PGM2L1: variants seen among roughly 807,000 people sequenced by gnomAD.
PGM2L1 encodes the protein glucose 1,6-bisphosphate synthase.
Under a neutral mutation model 73.4 loss-of-function variants are expected in PGM2L1, and 35 were observed. That is an observed-to-expected ratio of 0.48 (90% CI 0.36 to 0.63). The LOEUF (loss-of-function observed/expected upper bound fraction) is 0.63, where lower values mean the gene tolerates loss of function less well. PGM2L1 is among the 30% of genes least tolerant of loss of function. PGM2L1 has a pLI of 0.00. For synonymous variants in PGM2L1, 225 were observed against 253.8 expected (o/e 0.89, Z 1.08); for missense variants, 570 against 742.0 (o/e 0.77, Z 2.69).
chr11:74,341,537 C>T (rs7122900), intron 12 of PGM2L1, among the ~76,000 whole-genome samples: 3,320 of 151,918 alleles, frequency 0.022, 57 homozygotes, highest in Middle Eastern at 0.048. Context: ...ACTAAAAATA[C>T]AAAAATTAGT....
At chr11:74,395,995 T>G (rs963076711) in intron 1 of PGM2L1, among the ~76,000 whole-genome samples, 2 of 152,014 alleles carry the variant, frequency 1.3e-5, no homozygotes, top group Non-Finnish European at 2.9e-5. Flanking sequence ...TTCATGCCTA[T>G]AATCCCAACA....
intron 1 of PGM2L1, among the ~76,000 whole-genome samples, chr11:74,381,908 C>G (rs529853774): frequency 5.3e-5 from 8 of 151,978 alleles, no homozygotes; most frequent in South Asian, 2.1e-4. Flanking sequence ...GCTTCCCCCC[C>G]ACCCCCACCA....
chr11:74,342,928 T>C lies in PGM2L1; in HGVS notation c.1399A>G (p.Met467Val). The stretch of plus-strand genomic sequence containing the variant: ...AGTTGCTGTTTCAATGTTATATTCA[T>C]GGTTTCCAGGTAAGATGCCATCTCA... ...VAEMASYLET[M>V]NITLKQQLVK... is the part of the protein sequence containing the mutation. The change falls in exon 11 of 14, where the codon ATG (methionine) becomes GTG (valine). Residue 467 changes from methionine (M) to valine (V), a missense_variant. Transcript: ENST00000298198. 1.9e-6 allele frequency: 3 copies of C among 1,610,740 alleles called. No individual in the cohort carries two copies. The highest frequency in any genetic ancestry group is 2.5e-6 in the Non-Finnish European group (3 of 1,178,400).
intron 5 of PGM2L1, among the ~76,000 whole-genome samples, chr11:74,368,102 C>T (rs1862690305): frequency 6.6e-6 from 1 of 152,176 alleles, no homozygotes. Context: ...GGCCAAGAAG[C>T]AGCTCCGGCA....
chr11:74,374,400 C>T lies in PGM2L1; in HGVS notation c.279+15G>A. 6.3e-7 allele frequency: 1 copy of T among 1,592,110 alleles called. No individual in the cohort carries two copies. The highest frequency in any genetic ancestry group is 1.3e-5 in the African/African-American group (1 of 74,310). ...TCCAGTCAAAAGTACACTCTTAATA[C>T]TTTATAATACTTACCTGTGTTGACT... On this transcript the variant is annotated intron_variant, in intron 2 of 13. Transcript: ENST00000298198.
At chr11:74,382,824 C>G (rs1862966181) in intron 1 of PGM2L1, among the ~76,000 whole-genome samples, 2 of 152,242 alleles carry the variant, frequency 1.3e-5, no homozygotes, top group Admixed American at 1.3e-4. Context: ...TAGACAGTTA[C>G]AAAAGTCCAC....
rs570597234 is a variant in PGM2L1 at position 74,374,440 on chromosome 11, T to C, written c.254A>G (p.Asp85Gly). 1.2e-6 allele frequency: 2 copies of C among 1,613,540 alleles called. No individual in the cohort carries two copies. Among genetic ancestry groups the C allele is most frequent in the Non-Finnish European group, 1.7e-6 (2 of 1,179,586 alleles). The change falls in exon 2 of 14, where the codon GAC becomes GGC. Residue 85 changes from aspartate to glycine, a missense_variant. By Grantham distance (94) the Asp-to-Gly change is moderately conservative. Coordinates refer to ENST00000298198, the MANE Select transcript of PGM2L1 (RefSeq NM_173582.6). The stretch of plus-strand genomic sequence containing the variant: ...CTGTGTTGACTGTATTACTGTAAGG[T>C]CATTAATATAGCAAAACCCTGCCCC... The part of the protein sequence containing the change: ...AMGAGFCYIN[D>G]LTVIQSTQGM...
At chr11:74,382,489 CTATTTT>C (rs566971908) in intron 1 of PGM2L1, among the ~76,000 whole-genome samples, 2 of 152,050 alleles carry the variant, frequency 1.3e-5, no homozygotes, top group South Asian at 4.1e-4. Flanking sequence ...ACTGTATTTA[CTATTTT>C]TATTTTTATT....
At chr11:74,397,546 C>T (rs896055686) in intron 1 of PGM2L1, 2 of 152,328 alleles carry the variant, frequency 1.3e-5, no homozygotes, top group African/African-American at 4.8e-5. Flanking sequence ...TGATACTAGA[C>T]AATACCAGGG....
At chr11:74,357,931 C>G (rs1862487304) in intron 5 of PGM2L1, among the ~76,000 whole-genome samples, 1 of 152,112 alleles carries the variant, frequency 6.6e-6, no homozygotes, top group Non-Finnish European at 1.5e-5. Context: ...AGGCTATATA[C>G]TGTATATTCC....
chr11:74,345,640 C>A lies in PGM2L1; in HGVS notation c.1047G>T (p.Trp349Cys). The change falls in exon 9 of 14, where the codon TGG becomes TGT. Residue 349 changes from tryptophan (W) to cysteine (C), a missense_variant. Physicochemically the swap from Trp to Cys is radical, Grantham distance 215. Transcript: ENST00000298198. ...CCAACTCATTCCCTGTGAAAACTTT[C>A]CAACAACCACTGTAGAGAGAAGGAA... is the stretch of plus-strand genomic sequence containing the variant. ...AAAELQENGC[W>C]KVFTGNELAA... 1.2e-6 allele frequency: 2 copies of A among 1,613,442 alleles called. No individual in the cohort carries two copies. Among genetic ancestry groups the A allele is most frequent in the Non-Finnish European group, 1.7e-6 (2 of 1,179,630 alleles).
rs539596777 is a variant in PGM2L1, at chr11:74,355,123, G to A, written c.556-3547C>T. 6,366 of 1,313,724 alleles carry A rather than the reference G, an allele frequency of 4.8e-3. 34 individuals carry two copies. Among genetic ancestry groups the A allele is most frequent in the Non-Finnish European group, 6.1e-3 (5,651 of 921,782 alleles). The allele number at this position is 1,313,724 out of a possible 1,614,324, so 81.4% of individuals were successfully genotyped here. A position where few individuals can be genotyped will look rare whatever the true frequency, so the allele number is the denominator to read the frequency against. On this transcript the variant is annotated intron_variant, in intron 5 of 13. Coordinates refer to ENST00000298198, the MANE Select transcript of PGM2L1 (RefSeq NM_173582.6). ...TGTGGAGGAAACTTCAGTGGTTGTGGTGGCTTTGGTGGCAGCCATGGTGGT... is the reference window on the plus strand; with the variant it reads ...TGTGGAGGAAACTTCAGTGGTTGTGATGGCTTTGGTGGCAGCCATGGTGGT...
chr11:74,343,093 A>G lies in PGM2L1; in HGVS notation c.1313-79T>C. 5 of 1,480,922 alleles carry G rather than the reference A, an allele frequency of 3.4e-6. No homozygotes were observed. The South Asian group carries it at 6.9e-5, about 21-fold the overall frequency. The allele number at this position is 1,480,922 out of a possible 1,614,324, so 91.7% of individuals were successfully genotyped here. ...AATAGTTTTACATTTCTTCAGAAGG[A>G]CCAGGAAATTTAAAAGCCTAGTAAT... is the stretch of plus-strand genomic sequence containing the variant. On this transcript the variant is annotated intron_variant, in intron 10 of 13. Coordinates refer to ENST00000298198, the MANE Select transcript of PGM2L1 (RefSeq NM_173582.6).
intron 5 of PGM2L1, chr11:74,355,154 A>G (rs959830188): frequency 2.0e-5 from 28 of 1,383,246 alleles, no homozygotes; most frequent in African/African-American, 2.8e-5. Context: ...GTGGTGGTGG[A>G]TATGGTGGCA....
chr11:74,346,710 T>C, intron 8 of PGM2L1, 22 bp downstream of exon 8: 2 of 1,580,294 alleles, frequency 1.3e-6, no homozygotes, highest in Non-Finnish European at 1.7e-6. Context: ...AAGCTTTTAA[T>C]CAAATAACAG....
intron 5 of PGM2L1, among the ~76,000 whole-genome samples, chr11:74,353,722 CCA>C (rs75084887): frequency 0.54 from 80,706 of 149,858 alleles, 24,002 homozygotes; most frequent in East Asian, 0.8. Context: ...ATGGAGTCTC[CCA>C]CGTCTACTTC....
intron 1 of PGM2L1, among the ~76,000 whole-genome samples, chr11:74,390,702 C>T (rs182541482): frequency 8.5e-5 from 13 of 152,268 alleles, no homozygotes; most frequent in Admixed American, 5.9e-4. Context: ...GCAATTTCCA[C>T]GTACAAAAAG....
In PGM2L1 at chr11:74,345,493, T is replaced by G. The variant is rs765810437; in HGVS notation, c.1194A>C (p.Ala398=). The G allele has an allele frequency of 3.7e-6, 6 of 1,612,038 alleles. No individual in the cohort carries two copies. ...CTTCAAAATGAAATCCTTCTTTAAG[T>G]GCAATTGCCTTCAGAATTTTAGAAG... ...TVSSKILKAI[A]LKEGFHFEET... Residue 398 remains alanine (A), a synonymous_variant, in exon 9 of 14, where the codon GCA becomes GCC. Coordinates refer to ENST00000298198, the MANE Select transcript of PGM2L1 (RefSeq NM_173582.6).
At position 74,331,272 on chromosome 11, in the gene PGM2L1, T is replaced by TTTTTC. The variant is rs1862007725; in HGVS notation, c.*5379_*5380insGAAAA. On this transcript the variant is annotated 3_prime_UTR_variant, in exon 14 of 14. Transcript: ENST00000298198. ...TTCTATGTTTATATATCTTTTTTTT[T>TTTTTC]TTTTTTTGAGATGGAGTTTCACTCT... The TTTTTC allele has an allele frequency of 6.7e-6, 1 of 149,524 alleles. No homozygotes were observed. Among genetic ancestry groups the TTTTTC allele is most frequent in the African/African-American group, 2.4e-5 (1 of 41,064 alleles). 9.3% of individuals were successfully genotyped at this position (149,524 alleles called of 1,614,324 possible).
Sources: allele counts gnomAD v4.1 joint callset (sites outside exome capture counted in the v4.1 genomes callset), GRCh38; gene constraint gnomAD v4.1.1; transcripts MANE v1.5; gene names NCBI Gene and HGNC (gene_info 2026-07-23, HGNC 2026-07-21).